NLGN1: variants seen among roughly 807,000 people sequenced by gnomAD.
The protein encoded by NLGN1 is neuroligin-1.
Under a neutral mutation model 65.5 loss-of-function variants are expected in NLGN1, and 12 were observed. The observed-to-expected ratio is 0.18, with a 90% CI of 0.12 to 0.30. The LOEUF (loss-of-function observed/expected upper bound fraction) is 0.30, where lower values mean the gene tolerates loss of function less well. Among genes scored for constraint, NLGN1 ranks in the 10% least tolerant of loss-of-function variants. The pLI is 1.00. For synonymous variants in NLGN1, 350 were observed against 359.5 expected (o/e 0.97, Z 0.30); for missense variants, 750 against 1,007.1 (o/e 0.74, Z 3.46).
At chr3:174,129,796 C>T (rs1719781740) in intron 4 of NLGN1, among the ~76,000 whole-genome samples, 1 of 152,158 alleles carries the variant, frequency 6.6e-6, no homozygotes, top group South Asian at 2.1e-4. Flanking sequence ...AATAAGATAC[C>T]TAAATGTAAG....
chr3:173,678,555 A>C (rs1462335407), intron 3 of NLGN1, among the ~76,000 whole-genome samples: 1 of 152,108 alleles, frequency 6.6e-6, no homozygotes, highest in African/African-American at 2.4e-5. Context: ...GATCCACATC[A>C]TGGAGGTTGC....
At chr3:173,474,700 C>G (rs1307481538) in intron 2 of NLGN1, among the ~76,000 whole-genome samples, 1 of 152,132 alleles carries the variant, frequency 6.6e-6, no homozygotes, top group Admixed American at 6.6e-5. Flanking sequence ...TTGCTCACAA[C>G]TGTAATCCTA....
chr3:173,994,487 A>AG (rs1307395417), intron 4 of NLGN1, among the ~76,000 whole-genome samples: 2 of 129,150 alleles, frequency 1.5e-5, no homozygotes, highest in East Asian at 5.4e-4. Flanking sequence ...AAAAAAAAAA[A>AG]AAAAAGAGAG....
At chr3:173,626,069 A>C (rs935382481) in intron 3 of NLGN1, among the ~76,000 whole-genome samples, 2 of 152,110 alleles carry the variant, frequency 1.3e-5, no homozygotes, top group South Asian at 2.1e-4. Context: ...GCTATCCAAT[A>C]GAGCTTTCTG....
chr3:173,754,047 T>G (rs113767072), intron 3 of NLGN1, among the ~76,000 whole-genome samples: 42,157 of 137,134 alleles, frequency 0.31, 5,672 homozygotes, highest in African/African-American at 0.45. Context: ...TGTTTTTTTT[T>G]TTGTTGTTGT....
intron 4 of NLGN1, among the ~76,000 whole-genome samples, chr3:173,832,083 A>C (rs1466443597): frequency 2.0e-5 from 3 of 151,248 alleles, no homozygotes; most frequent in Non-Finnish European, 4.4e-5. Context: ...TCAACCTCTC[A>C]AGTAGCTGGG....
chr3:173,863,669 C>A (rs900833975), intron 4 of NLGN1, among the ~76,000 whole-genome samples: 1 of 152,126 alleles, frequency 6.6e-6, no homozygotes. Flanking sequence ...TTTCTATTTC[C>A]CTTCAGGGTT....
intron 4 of NLGN1, among the ~76,000 whole-genome samples, chr3:174,038,648 CT>C (rs1406130869): frequency 3.3e-5 from 5 of 152,114 alleles, no homozygotes; most frequent in African/African-American, 2.4e-5. Flanking sequence ...GGTTACCCCC[CT>C]GAGTCCATAC....
chr3:173,947,202 A>G (rs562602197), intron 4 of NLGN1, among the ~76,000 whole-genome samples: 2 of 150,856 alleles, frequency 1.3e-5, no homozygotes, highest in Admixed American at 6.7e-5. Context: ...TTGCATTTTT[A>G]GTAGAGACAG....
exon 7 of NLGN1, chr3:174,281,598 C>CCAAA: frequency 3.4e-6 from 1 of 292,404 alleles, no homozygotes; most frequent in Non-Finnish European, 6.4e-6. Context: ...ATGTGGAACA[C>CCAAA]CAAACAGGAA....
chr3:173,724,476 A>C, intron 3 of NLGN1: 1 of 218,042 alleles, frequency 4.6e-6, no homozygotes, highest in Non-Finnish European at 1.0e-5. Context: ...AGGTTTCACC[A>C]TGTTACGCAG....
At chr3:173,428,495 T>G (rs778060330) in intron 1 of NLGN1, among the ~76,000 whole-genome samples, 4 of 152,052 alleles carry the variant, frequency 2.6e-5, no homozygotes, top group Non-Finnish European at 5.9e-5. Flanking sequence ...TTTATGGATA[T>G]AACAACTTAA....
At chr3:173,725,686 G>A (rs1053325726) in intron 3 of NLGN1, among the ~76,000 whole-genome samples, 7 of 152,178 alleles carry the variant, frequency 4.6e-5, no homozygotes, top group Non-Finnish European at 7.3e-5. Flanking sequence ...GTTTCTGTGA[G>A]TCAGAGCTCT....
intron 4 of NLGN1, among the ~76,000 whole-genome samples, chr3:174,258,708 A>G (rs1746262909): frequency 6.6e-6 from 1 of 152,210 alleles, no homozygotes; most frequent in South Asian, 2.1e-4. Flanking sequence ...GAGACATTAT[A>G]TGCAATAACA....
intron 3 of NLGN1, chr3:173,644,747 G>A (rs1757982702): frequency 6.5e-6 from 1 of 153,290 alleles, no homozygotes; most frequent in South Asian, 2.1e-4. Context: ...GTGTTCTGGA[G>A]ATCTCTTATG....
chr3:173,438,369 A>G (rs1443723792), intron 2 of NLGN1, among the ~76,000 whole-genome samples: 2 of 152,132 alleles, frequency 1.3e-5, no homozygotes, highest in Admixed American at 1.3e-4. Flanking sequence ...CCTTATACAT[A>G]TCGTCTTTCC....
At chr3:173,868,333 A>G (rs1386175930) in intron 4 of NLGN1, among the ~76,000 whole-genome samples, 2 of 152,298 alleles carry the variant, frequency 1.3e-5, no homozygotes, top group East Asian at 3.9e-4. Context: ...TATGTGTTCA[A>G]TCAACAATTA....
At chr3:173,637,451 TTC>T (rs1043042054) in intron 3 of NLGN1, among the ~76,000 whole-genome samples, 3 of 152,158 alleles carry the variant, frequency 2.0e-5, no homozygotes, top group African/African-American at 7.2e-5. Context: ...TTACCACTAT[TTC>T]TTTCATATAA....
intron 4 of NLGN1, among the ~76,000 whole-genome samples, chr3:174,263,439 G>T (rs1181797692): frequency 1.3e-5 from 2 of 149,916 alleles, no homozygotes; most frequent in East Asian, 3.9e-4. Context: ...ATTATGTAAT[G>T]GCCTTCTTTG....
Sources: gnomAD v4.1 joint callset for allele counts (sites outside exome capture counted in the v4.1 genomes callset) on GRCh38, gnomAD v4.1.1 for gene constraint, MANE v1.5 for transcripts, NCBI Gene and HGNC (gene_info 2026-07-23, HGNC 2026-07-21) for gene names.